Variants in PAX3 observed in about 807,000 individuals in gnomAD.
PAX3 encodes paired box 3, also known as paired box protein Pax-3.
PAX3 carries 14 observed loss-of-function variants against 51.6 expected under a neutral mutation model. That is an observed-to-expected ratio of 0.27 (90% CI 0.18 to 0.42). The LOEUF (loss-of-function observed/expected upper bound fraction) is 0.42, where lower values mean the gene tolerates loss of function less well. Ranked by LOEUF, PAX3 falls within the 10% of genes least tolerant of loss-of-function variation. PAX3 has a pLI of 1.00. For missense variants in PAX3, 540 were observed against 642.8 expected (o/e 0.84, Z 1.73); for synonymous variants, 280 against 253.4 (o/e 1.11, Z -1.00).
In PAX3 at chr2:222,220,343, G is replaced by A. The variant is rs1692144448; in HGVS notation, c.970C>T (p.Pro324Ser). The change falls in exon 7 of 9, where the codon CCC becomes TCC. Residue 324 changes from proline to serine, a missense_variant. This residue lies in a region of PAX3 where 427 missense variants were observed against 483.6 expected (regional missense o/e 0.88). Transcript: ENST00000392070. ...TGAGGTCTGTGAACGGTGCTGCTGG[G>A]ATCTGACACAGCTGAAATGAAAAAG... ...PTSIPQAVSDPSSTVHRPQPL... is the reference protein window; with the variant it reads ...PTSIPQAVSDSSSTVHRPQPL... The A allele has an allele frequency of 6.2e-7, 1 of 1,613,950 alleles. No homozygotes were observed. Among genetic ancestry groups the A allele is most frequent in the Non-Finnish European group, 8.5e-7 (1 of 1,179,892 alleles).
chr2:222,223,194 G>T (rs986555783), intron 5 of PAX3, among the ~76,000 whole-genome samples: 2 of 152,128 alleles, frequency 1.3e-5, no homozygotes, highest in Non-Finnish European at 2.9e-5. Context: ...CCAAGCATTT[G>T]TCTGAAAAGA....
intron 4 of PAX3, among the ~76,000 whole-genome samples, chr2:222,286,135 A>T (rs371609418): frequency 6.6e-6 from 1 of 152,160 alleles, no homozygotes; most frequent in African/African-American, 2.4e-5. Flanking sequence ...ACAAGGTTTC[A>T]TCATGTTGGC....
intron 4 of PAX3, among the ~76,000 whole-genome samples, chr2:222,281,807 G>T (rs1340661164): frequency 6.6e-6 from 1 of 152,164 alleles, no homozygotes; most frequent in African/African-American, 2.4e-5. Flanking sequence ...GCTCTTTGTA[G>T]ACACTCTTAA....
intron 3 of PAX3, 118 bp from the exon 4 acceptor site, chr2:222,294,419 A>T: frequency 9.0e-7 from 1 of 1,117,182 alleles, no homozygotes; most frequent in Non-Finnish European, 1.3e-6. Flanking sequence ...GCTGCCCTGC[A>T]CTGCTCGCGG....
chr2:222,202,051 C>T lies in PAX3; in HGVS notation c.1313G>A (p.Ser438Asn). The T allele has an allele frequency of 6.2e-7, 1 of 1,614,080 alleles. No individual in the cohort carries two copies. The highest frequency in any genetic ancestry group is 8.5e-7 in the Non-Finnish European group (1 of 1,180,012). The part of the protein sequence containing the change: ...SCSQRLDHMK[S>N]LDSLPTSQSY... Reference sequence around the variant, plus strand: ...CTGAGATGTTGGCAGACTGTCCAAGCTCTTCATATGGTCTAGTCTCTGACT... The same window carrying T: ...CTGAGATGTTGGCAGACTGTCCAAGTTCTTCATATGGTCTAGTCTCTGACT... Residue 438 changes from serine (S) to asparagine (N), a missense_variant, in exon 8 of 9, where the codon AGC (serine) becomes AAC (asparagine). Transcript: ENST00000392070.
At chr2:222,277,445 C>T (rs1214266255) in intron 4 of PAX3, among the ~76,000 whole-genome samples, 2 of 152,134 alleles carry the variant, frequency 1.3e-5, no homozygotes, top group East Asian at 1.9e-4. Context: ...AGACGTGGAC[C>T]GTTTTTCTAG....
At chr2:222,258,567 T>C (rs1553581707) in intron 4 of PAX3, among the ~76,000 whole-genome samples, 1 of 152,172 alleles carries the variant, frequency 6.6e-6, no homozygotes, top group Non-Finnish European at 1.5e-5. Flanking sequence ...TTTGACCTGT[T>C]GTTTGATAAT....
At chr2:222,294,589 T>C (rs1005986996) in intron 3 of PAX3, among the ~76,000 whole-genome samples, 2 of 152,006 alleles carry the variant, frequency 1.3e-5, no homozygotes, top group Admixed American at 6.5e-5. Flanking sequence ...TGTCCCTCGA[T>C]TCTGGGCAGG....
chr2:222,214,611 C>G (rs1691879694), intron 7 of PAX3: 1 of 152,016 alleles, frequency 6.6e-6, no homozygotes, highest in Admixed American at 6.6e-5. Flanking sequence ...TTCAGCCGAA[C>G]TTACTAGATG....
chr2:222,231,921 T>C (rs1692610887), intron 5 of PAX3, among the ~76,000 whole-genome samples, 157 bp downstream of exon 5: 1 of 152,226 alleles, frequency 6.6e-6, no homozygotes, highest in African/African-American at 2.4e-5. Context: ...AGTTGTATTC[T>C]GTCAGTAAAT....
At position 222,280,318 on chromosome 2, in the gene PAX3, GGGGGA is replaced by G. The variant is rs926564018; in HGVS notation, c.586+13844_586+13848del. Among the ~76,000 whole-genome samples, 206 of 137,528 alleles carry G rather than the reference GGGGGA, an allele frequency of 1.5e-3. 1 individual carries two copies. The highest frequency in any genetic ancestry group is 5.1e-3 in the African/African-American group (186 of 36,672). The allele number at this position is 137,528 out of a possible 152,430, so 90.2% of individuals were successfully genotyped here. ...GAGAGAGGGAGGGAAGGAGGGAGGA[GGGGGA>G]GGGGAGGGGAGGGAGGAAGGAAAGA... is the stretch of plus-strand genomic sequence containing the variant. On this transcript the variant is annotated intron_variant, in intron 4 of 8. Coordinates refer to ENST00000392070, the MANE Select transcript of PAX3 (RefSeq NM_181458.4).
At position 222,200,717 on chromosome 2, in the gene PAX3, C is replaced by A. The variant is rs1346573584; in HGVS notation, c.*691G>T. 3.9e-6 allele frequency: 1 copy of A among 253,690 alleles called. No individual in the cohort carries two copies. 15.7% of individuals were successfully genotyped at this position (253,690 alleles called of 1,614,324 possible). The stretch of plus-strand genomic sequence containing the variant: ...CAGGAAAGGGAAACAAGTCCTTCTT[C>A]CTGGTAGCCCATATCCTGTTAGCAA... On this transcript the variant is annotated 3_prime_UTR_variant, in exon 9 of 9. Transcript: ENST00000392070.
chr2:222,215,020 C>G (rs1376386489), intron 7 of PAX3, among the ~76,000 whole-genome samples: 1 of 151,950 alleles, frequency 6.6e-6, no homozygotes, highest in African/African-American at 2.4e-5. Flanking sequence ...AGATTTATAC[C>G]AAATGTATTT....
At chr2:222,205,521 G>C (rs1453145174) in intron 7 of PAX3, among the ~76,000 whole-genome samples, 2 of 152,120 alleles carry the variant, frequency 1.3e-5, no homozygotes, top group African/African-American at 4.8e-5. Context: ...TATTTCCACT[G>C]TGATGGTCAC....
chr2:222,229,856 T>C (rs1692520522), intron 5 of PAX3, among the ~76,000 whole-genome samples: 2 of 152,164 alleles, frequency 1.3e-5, no homozygotes, highest in South Asian at 4.1e-4. Context: ...CCTGGTCCAG[T>C]GAATATCTAT....
In PAX3 at chr2:222,228,698, G is replaced by A. The variant is rs557674342; in HGVS notation, c.792+3380C>T. 9.9e-4 allele frequency among the ~76,000 whole-genome samples: 150 copies of A among 152,212 alleles called. No homozygotes were observed. The Middle Eastern group carries it at 0.017, about 17-fold the overall frequency. ...ACCTGTAATCTCAACACTTTGAGAC[G>A]CTGAGGAGGGAGGATCACTTGAGTC... is the stretch of plus-strand genomic sequence containing the variant. On this transcript the variant is annotated intron_variant, in intron 5 of 8. Coordinates refer to ENST00000392070, the MANE Select transcript of PAX3 (RefSeq NM_181458.4).
At chr2:222,260,742 C>T (rs533707702) in intron 4 of PAX3, among the ~76,000 whole-genome samples, 3 of 151,534 alleles carry the variant, frequency 2.0e-5, no homozygotes, top group African/African-American at 7.3e-5. Flanking sequence ...AGGTGTGAAC[C>T]CCCATGCCCG....
Position 222,201,452 on chromosome 2 carries a change from A to AACAC in PAX3, c.1421-14_1421-11dup, listed in dbSNP as rs1691289659. On this transcript the variant is annotated splice_polypyrimidine_tract_variant and intron_variant, in intron 8 of 8. Coordinates refer to ENST00000392070, the MANE Select transcript of PAX3 (RefSeq NM_181458.4). ...AGATAATGAAAGGCACCTGTAAGGA[A>AACAC]ACACACGCAGCTTTTTAGGTCATGC... 1 of 1,613,974 alleles carries AACAC rather than the reference A, an allele frequency of 6.2e-7. No individual in the cohort carries two copies. The highest frequency in any genetic ancestry group is 1.3e-5 in the African/African-American group (1 of 74,918).
At chr2:222,296,457 A>T (rs1574769819) in intron 2 of PAX3, among the ~76,000 whole-genome samples, 1 of 152,094 alleles carries the variant, frequency 6.6e-6, no homozygotes, top group Non-Finnish European at 1.5e-5. Context: ...ATTTTTTTTT[A>T]ATGGAGTCAT....
Sources: allele counts gnomAD v4.1 joint callset (sites outside exome capture counted in the v4.1 genomes callset), GRCh38; gene constraint gnomAD v4.1.1; regional missense constraint gnomAD v4.1.1; transcripts MANE v1.5; gene names NCBI Gene and HGNC (gene_info 2026-07-23, HGNC 2026-07-21).